Variants in ANK2 observed in about 807,000 individuals in gnomAD.
ANK2 encodes the protein ankyrin 2.
A neutral mutation model predicts 360.5 loss-of-function variants in ANK2; 83 were observed. The ratio of observed to expected loss-of-function variants is 0.23; its 90% CI spans 0.19 to 0.28. ANK2 has a LOEUF of 0.28. Among genes scored for constraint, ANK2 ranks in the 10% least tolerant of loss-of-function variants. The pLI is 1.00. For missense variants in ANK2, 4,201 were observed against 4,795.7 expected, an observed-to-expected ratio of 0.88 and a Z score of 3.66; for synonymous variants, 1,740 against 1,759.5, an observed-to-expected ratio of 0.99 and a Z score of 0.28.
At chr4:112,889,963 C>T (rs1452497961) in intron 1 of ANK2, among the ~76,000 whole-genome samples, 1 of 152,142 alleles carries the variant, frequency 6.6e-6, no homozygotes, top group East Asian at 1.9e-4. Context: ...CTTTTTATAG[C>T]TTGTAAGTAA....
At chr4:113,094,335 T>A (rs913116463) in intron 1 of ANK2, among the ~76,000 whole-genome samples, 1 of 152,234 alleles carries the variant, frequency 6.6e-6, no homozygotes, top group Non-Finnish European at 1.5e-5. Context: ...ACATTTCTTA[T>A]CAACCTATCT....
At chr4:112,969,564 A>C (rs946516973) in intron 2 of ANK2, among the ~76,000 whole-genome samples, 1 of 152,190 alleles carries the variant, frequency 6.6e-6, no homozygotes, top group African/African-American at 2.4e-5. Flanking sequence ...AAGGGGGAAG[A>C]GGTGGTTGTG....
chr4:113,307,755 G>C (rs1438660262), intron 23 of ANK2, among the ~76,000 whole-genome samples: 2 of 152,170 alleles, frequency 1.3e-5, no homozygotes, highest in Non-Finnish European at 2.9e-5. Flanking sequence ...TCCTACAGGG[G>C]TTAAATATAC....
At chr4:112,970,845 T>G (rs2039273552) in intron 2 of ANK2, among the ~76,000 whole-genome samples, 1 of 151,318 alleles carries the variant, frequency 6.6e-6, no homozygotes, top group African/African-American at 2.5e-5. Flanking sequence ...TAGTAGATTT[T>G]AAGTGTCCCA....
chr4:113,221,518 G>C lies in ANK2; in HGVS notation c.385-10643G>C, dbSNP rs2099151206. On this transcript the variant is annotated intron_variant, in intron 4 of 45. Transcript: ENST00000357077. Reference sequence around the variant, plus strand: ...CTACTGAAAATACAAAAATTAGCAGGCATGGTGGCACAGGCCTGTAATCCC... The same window carrying C: ...CTACTGAAAATACAAAAATTAGCAGCCATGGTGGCACAGGCCTGTAATCCC... Among the ~76,000 whole-genome samples the C allele has an allele frequency of 1.3e-5, 2 of 152,014 alleles. 1 individual carries two copies. Among genetic ancestry groups the C allele is most frequent in the South Asian group, 4.2e-4 (2 of 4,814 alleles).
chr4:113,313,478 A>G (rs980840954), intron 24 of ANK2, among the ~76,000 whole-genome samples: 1 of 152,212 alleles, frequency 6.6e-6, no homozygotes, highest in African/African-American at 2.4e-5. Flanking sequence ...GAAACAAACA[A>G]GACATACTGT....
intron 2 of ANK2, among the ~76,000 whole-genome samples, chr4:112,936,127 C>T (rs770298128): frequency 5.3e-5 from 8 of 152,100 alleles, no homozygotes; most frequent in Non-Finnish European, 7.4e-5. Flanking sequence ...GCAGCTTCTG[C>T]GTTCTTTTTT....
intron 2 of ANK2, among the ~76,000 whole-genome samples, chr4:113,036,774 G>T (rs2061700251): frequency 6.6e-6 from 1 of 151,756 alleles, no homozygotes; most frequent in Non-Finnish European, 1.5e-5. Context: ...CTTTGTTCTA[G>T]ATTATTTTTT....
chr4:113,379,689 A>C (rs1410595869), intron 45 of ANK2, among the ~76,000 whole-genome samples: 1 of 152,224 alleles, frequency 6.6e-6, no homozygotes, highest in Non-Finnish European at 1.5e-5. Context: ...AGCAAGAACA[A>C]ATTTAAGTTT....
the ANK2 span, among the ~76,000 whole-genome samples, chr4:112,740,610 A>G: frequency 1.3e-5 from 2 of 152,084 alleles, no homozygotes; most frequent in Non-Finnish European, 2.9e-5. Flanking sequence ...AGGCTGAGGC[A>G]GGAGAATTGC....
rs1187135604 is a variant in ANK2, at chr4:113,355,435, A to G, written c.6817A>G (p.Ile2273Val). The change falls in exon 38 of 46, where the codon ATT becomes GTT. Residue 2273 changes from isoleucine to valine, a missense_variant. Ile to Val is a conservative substitution (Grantham distance 29). Around this residue, in one of 4 missense-constraint regions of ANK2, gnomAD observed 2,642 missense variants for 2,714.5 expected, o/e 0.97. Transcript: ENST00000357077. ...ESTKTETTTE[I>V]RSEKEHPTTK... is the part of the protein sequence containing the mutation. Reference sequence around the variant, plus strand: ...CACCAAGACAGAAACCACCACAGAAATTCGTTCAGAAAAAGAGCATCCCAC... The same window carrying G: ...CACCAAGACAGAAACCACCACAGAAGTTCGTTCAGAAAAAGAGCATCCCAC... 6.2e-7 allele frequency: 1 copy of G among 1,613,930 alleles called. No individual in the cohort carries two copies. The highest frequency in any genetic ancestry group is 1.1e-5 in the South Asian group (1 of 91,080).
At chr4:112,853,344 G>T (rs538415383) in intron 1 of ANK2, among the ~76,000 whole-genome samples, 1 of 152,106 alleles carries the variant, frequency 6.6e-6, no homozygotes, top group African/African-American at 2.4e-5. Flanking sequence ...TGGGATTGCA[G>T]GCGTGAGCCA....
At chr4:112,991,303 C>A (rs1048652819) in intron 2 of ANK2, among the ~76,000 whole-genome samples, 2 of 150,826 alleles carry the variant, frequency 1.3e-5, no homozygotes, top group Middle Eastern at 3.5e-3. Context: ...ATATTAAAAA[C>A]CCTGTAGCAC....
At chr4:112,724,810 A>C in the ANK2 span, among the ~76,000 whole-genome samples, 10 of 152,214 alleles carry the variant, frequency 6.6e-5, no homozygotes, top group Admixed American at 5.2e-4. Flanking sequence ...TAGAGGGATA[A>C]ATATACTTCT....
intron 23 of ANK2, among the ~76,000 whole-genome samples, chr4:113,310,795 G>A (rs1323658646): frequency 1.3e-5 from 2 of 152,186 alleles, no homozygotes; most frequent in Non-Finnish European, 1.5e-5. Flanking sequence ...CTTGTATTAT[G>A]TGACAGATTC....
the ANK2 span, among the ~76,000 whole-genome samples, chr4:112,749,855 C>G: frequency 6.6e-6 from 1 of 152,048 alleles, no homozygotes; most frequent in South Asian, 2.1e-4. Flanking sequence ...AAGCCACTCT[C>G]CTGCCTCAGG....
chr4:113,369,622 G>T lies in ANK2; in HGVS notation c.11427G>T (p.Lys3809Asn). 1.2e-6 allele frequency: 2 copies of T among 1,614,128 alleles called. No individual in the cohort carries two copies. The highest frequency in any genetic ancestry group is 1.7e-6 in the Non-Finnish European group (2 of 1,180,026). The change falls in exon 43 of 46, where the codon AAG becomes AAT. Residue 3809 changes from lysine (K) to asparagine (N), a missense_variant. By Grantham distance (94) the Lys-to-Asn change is moderately conservative (BLOSUM62 0). Coordinates refer to ENST00000357077, the MANE Select transcript of ANK2 (RefSeq NM_001148.6). ...TTAGCACCCCTGCAGAGGAGGAGAA[G>T]CTGTACCTCCAGACCCCAACATCCA... Reference protein sequence around the residue: ...EEVSTPAEEEKLYLQTPTSSE... With the variant: ...EEVSTPAEEENLYLQTPTSSE...
chr4:113,365,882 C>T (rs1644737400), intron 41 of ANK2, among the ~76,000 whole-genome samples: 1 of 152,144 alleles, frequency 6.6e-6, no homozygotes, highest in African/African-American at 2.4e-5. Flanking sequence ...CTTAACTCTA[C>T]CTTCCATCCT....
chr4:112,788,597 C>T, the ANK2 span: 1 of 1,591,118 alleles, frequency 6.3e-7, no homozygotes, highest in Non-Finnish European at 8.6e-7. Context: ...GCTTAAGCAG[C>T]TGAGTAGCTG....
Sources: gnomAD v4.1 joint callset for allele counts (sites outside exome capture counted in the v4.1 genomes callset) on GRCh38, gnomAD v4.1.1 for gene constraint, gnomAD v4.1.1 regional missense constraint, MANE v1.5 for transcripts, NCBI Gene and HGNC (gene_info 2026-07-23, HGNC 2026-07-21) for gene names.